Variants in CACNG4 observed in about 807,000 individuals in gnomAD.
CACNG4 encodes the protein calcium voltage-gated channel auxiliary subunit gamma 4.
In CACNG4, 8 loss-of-function variants were observed where a neutral mutation model predicts 22.9. The ratio of observed to expected loss-of-function variants is 0.35; its 90% CI spans 0.21 to 0.63. The LOEUF is 0.63. Ranked by LOEUF, CACNG4 falls within the 30% of genes least tolerant of loss-of-function variation. The probability of loss-of-function intolerance (pLI) is 0.72; values close to 1 mark genes in which losing one functional copy is unlikely to be tolerated. For missense variants in CACNG4, 357 were observed against 455.4 expected, an observed-to-expected ratio of 0.78 and a Z score of 1.97; for synonymous variants, 188 against 191.9, an observed-to-expected ratio of 0.98 and a Z score of 0.17.
At chr17:66,988,609 T>C (rs2035319537) in intron 1 of CACNG4, among the ~76,000 whole-genome samples, 1 of 152,120 alleles carries the variant, frequency 6.6e-6, no homozygotes, top group Admixed American at 6.5e-5. Context: ...ACCAGTCGGT[T>C]GCAACAGAGC....
At chr17:66,988,752 C>T (rs9892619) in intron 1 of CACNG4, among the ~76,000 whole-genome samples, 33,344 of 151,982 alleles carry the variant, frequency 0.22, 6,681 homozygotes, top group African/African-American at 0.54. Context: ...TTCTATCTTA[C>T]GTAAGGCGTT....
At chr17:67,018,594 G>C (rs2035514302) in intron 2 of CACNG4, among the ~76,000 whole-genome samples, 1 of 152,146 alleles carries the variant, frequency 6.6e-6, no homozygotes. Context: ...GCTGGAGCTG[G>C]GGCTGGAGCA....
At chr17:66,986,848 G>C (rs991959470) in intron 1 of CACNG4, among the ~76,000 whole-genome samples, 2 of 152,172 alleles carry the variant, frequency 1.3e-5, no homozygotes, top group African/African-American at 4.8e-5. Context: ...TACTGGATTA[G>C]GGTCTACCCT....
chr17:66,967,572 C>T (rs1295665707), intron 1 of CACNG4, among the ~76,000 whole-genome samples: 3 of 152,118 alleles, frequency 2.0e-5, no homozygotes, highest in African/African-American at 7.2e-5. Flanking sequence ...TCTGGGGACA[C>T]GGAGGGAGGG....
intron 1 of CACNG4, among the ~76,000 whole-genome samples, chr17:67,007,913 G>A (rs1438356643): frequency 2.0e-5 from 3 of 152,162 alleles, no homozygotes; most frequent in Non-Finnish European, 4.4e-5. Flanking sequence ...TGGAGATGGA[G>A]GGCCACCCCC....
intron 1 of CACNG4, among the ~76,000 whole-genome samples, chr17:67,007,158 G>A (rs895193691): frequency 6.6e-6 from 1 of 151,930 alleles, no homozygotes; most frequent in South Asian, 2.1e-4. Context: ...CTGGGTGACA[G>A]AGCGAGACTC....
In CACNG4 at chr17:67,030,215, C is replaced by T. The variant is rs532916906; in HGVS notation, c.446-251C>T. On this transcript the variant is annotated intron_variant, in intron 3 of 3. Transcript: ENST00000262138. This position sits in a 1 kb window ranked among gnomAD's most constrained non-coding sequence, Gnocchi z 6.4. Reference sequence around the variant, plus strand: ...TTCTGGAAGGACATACGAAAGAAGACAACAGTAGTTGCCTTAAAGAGGGGA... The same window carrying T: ...TTCTGGAAGGACATACGAAAGAAGATAACAGTAGTTGCCTTAAAGAGGGGA... Among the ~76,000 whole-genome samples the T allele has an allele frequency of 1.3e-5, 2 of 152,142 alleles. No individual in the cohort carries two copies. Among genetic ancestry groups the T allele is most frequent in the Admixed American group, 1.3e-4 (2 of 15,284 alleles).
intron 1 of CACNG4, among the ~76,000 whole-genome samples, chr17:66,993,708 C>A (rs1050334701): frequency 6.6e-6 from 1 of 152,156 alleles, no homozygotes; most frequent in African/African-American, 2.4e-5. Flanking sequence ...AGGGTTCAAG[C>A]GATTCTCCTG....
chr17:66,965,229 CACACACTGCCCG>C, intron 1 of CACNG4, 98 bp downstream of exon 1: 29 of 750,426 alleles, frequency 3.9e-5, no homozygotes, highest in East Asian at 6.1e-5. Context: ...CACACACGCG[CACACACTGCCCG>C]GCGCGCGGGC....
chr17:67,030,885 G>T lies in CACNG4; in HGVS notation c.865G>T (p.Ala289Ser). 1 of 1,612,604 alleles carries T rather than the reference G, an allele frequency of 6.2e-7. No homozygotes were observed. Among genetic ancestry groups the T allele is most frequent in the South Asian group, 1.1e-5 (1 of 91,072 alleles). ...LSREPLKVTTAASYSPDQEAS... is the reference protein window; with the variant it reads ...LSREPLKVTTSASYSPDQEAS... ...CAGGGAGCCCCTCAAGGTGACCACC[G>T]CAGCCAGCTACAGCCCCGACCAGGA... The change falls in exon 4 of 4, where the codon GCA becomes TCA. Residue 289 changes from alanine (A) to serine (S), a missense_variant. Ala to Ser is a moderately conservative substitution (Grantham distance 99). This residue lies in a region of CACNG4 where 240 missense variants were observed against 277.6 expected (regional missense o/e 0.86). Transcript: ENST00000262138. This position sits in a 1 kb window ranked among gnomAD's most constrained non-coding sequence, Gnocchi z 6.4.
At chr17:66,966,077 T>C (rs1598097610) in intron 1 of CACNG4, among the ~76,000 whole-genome samples, 1 of 152,198 alleles carries the variant, frequency 6.6e-6, no homozygotes, top group Non-Finnish European at 1.5e-5. Flanking sequence ...GAGGCTGGAA[T>C]GCTAGGGGAC....
chr17:67,010,368 C>T (rs2035461682), intron 1 of CACNG4, among the ~76,000 whole-genome samples: 1 of 152,132 alleles, frequency 6.6e-6, no homozygotes, highest in South Asian at 2.1e-4. Flanking sequence ...GCTGAAGCCA[C>T]ACAGAACGTC....
At chr17:67,028,346 G>A (rs1261570930) in intron 3 of CACNG4, among the ~76,000 whole-genome samples, 2 of 152,196 alleles carry the variant, frequency 1.3e-5, no homozygotes, top group Non-Finnish European at 2.9e-5. Context: ...AAGCTCAGGA[G>A]ATCGAGACCA....
At chr17:67,004,051 A>C (rs2035423202) in intron 1 of CACNG4, among the ~76,000 whole-genome samples, 1 of 152,256 alleles carries the variant, frequency 6.6e-6, no homozygotes, top group African/African-American at 2.4e-5. Context: ...GCAGAGGCAA[A>C]CCAACGGAAA....
At chr17:67,025,647 C>T (rs187398116) in intron 3 of CACNG4, among the ~76,000 whole-genome samples, 421 of 152,380 alleles carry the variant, frequency 2.8e-3, no homozygotes, top group Admixed American at 7.4e-3. Flanking sequence ...CCGATGTCCC[C>T]GGAAAGTGCC....
intron 1 of CACNG4, among the ~76,000 whole-genome samples, chr17:67,005,568 G>T (rs1025125503): frequency 6.6e-6 from 1 of 152,208 alleles, no homozygotes; most frequent in Non-Finnish European, 1.5e-5. Context: ...GAATTTAGAG[G>T]TAGAAATGGA....
At chr17:67,002,624 CT>C (rs2035415120) in intron 1 of CACNG4, among the ~76,000 whole-genome samples, 1 of 148,590 alleles carries the variant, frequency 6.7e-6, no homozygotes, top group Non-Finnish European at 1.5e-5. Flanking sequence ...CTCTTTCTCT[CT>C]CTCTCTCTCT....
chr17:67,013,710 CAGG>C (rs1237363908), intron 1 of CACNG4, among the ~76,000 whole-genome samples: 1 of 151,696 alleles, frequency 6.6e-6, no homozygotes, highest in Non-Finnish European at 1.5e-5. Flanking sequence ...GAGGCTGAGG[CAGG>C]AGAATTGGTT....
At chr17:66,986,615 G>A (rs964783216) in intron 1 of CACNG4, among the ~76,000 whole-genome samples, 1 of 152,200 alleles carries the variant, frequency 6.6e-6, no homozygotes, top group Non-Finnish European at 1.5e-5. Flanking sequence ...GGCACAGATC[G>A]CTTGGAGCAG....
Sources: gnomAD v4.1 joint callset for allele counts (sites outside exome capture counted in the v4.1 genomes callset) on GRCh38, gnomAD v4.1.1 for gene constraint, gnomAD v4.1.1 regional missense constraint, Gnocchi (gnomAD v3.1) non-coding constraint, MANE v1.5 for transcripts, NCBI Gene and HGNC (gene_info 2026-07-23, HGNC 2026-07-21) for gene names.